The following IL1RAPL2 variants were observed in gnomAD, a reference collection of about 807,000 sequenced individuals.
IL1RAPL2 encodes X-linked interleukin-1 receptor accessory protein-like 2.
A neutral mutation model predicts 44.1 loss-of-function variants in IL1RAPL2; 3 were observed. The ratio of observed to expected loss-of-function variants is 0.07; its 90% CI spans 0.03 to 0.18. IL1RAPL2 has a LOEUF of 0.18. IL1RAPL2 is among the 10% of genes least tolerant of loss of function. The pLI is 1.00. For missense variants in IL1RAPL2, 391 were observed against 496.4 expected, an observed-to-expected ratio of 0.79 and a Z score of 2.02; for synonymous variants, 181 against 178.8, an observed-to-expected ratio of 1.01 and a Z score of -0.10.
At chrX:104,994,152 C>T (rs1409091629) in intron 2 of IL1RAPL2, among the ~76,000 whole-genome samples, 1 of 111,773 alleles carries the variant, frequency 8.9e-6, no homozygotes, top group Non-Finnish European at 1.9e-5. Context: ...TTTCTATCAA[C>T]AGGTTAATGG....
intron 2 of IL1RAPL2, among the ~76,000 whole-genome samples, chrX:104,760,892 G>T (rs1261826478): frequency 1.8e-5 from 2 of 111,387 alleles, no homozygotes; most frequent in Admixed American, 9.6e-5. Flanking sequence ...AAGTTTTCTT[G>T]TAGTAGTTTC....
intron 2 of IL1RAPL2, among the ~76,000 whole-genome samples, chrX:104,780,439 C>T (rs1932764655): frequency 9.0e-6 from 1 of 111,675 alleles, no homozygotes; most frequent in South Asian, 3.8e-4. Context: ...AAGCTAGTTG[C>T]CAGAATGGCT....
At chrX:105,571,633 TG>T (rs1258981454) in intron 6 of IL1RAPL2, among the ~76,000 whole-genome samples, 1 of 111,051 alleles carries the variant, frequency 9.0e-6, no homozygotes, top group Non-Finnish European at 1.9e-5. Flanking sequence ...GGTTGAGATA[TG>T]GGTGATAATG....
chrX:104,588,770 A>G (rs181378410), intron 1 of IL1RAPL2, among the ~76,000 whole-genome samples: 1 of 112,196 alleles, frequency 8.9e-6, no homozygotes, highest in African/African-American at 3.2e-5. Context: ...TTGACTTCTG[A>G]ATAATCTTCA....
chrX:104,921,726 G>A (rs1234299927), intron 2 of IL1RAPL2, among the ~76,000 whole-genome samples: 7 of 112,730 alleles, frequency 6.2e-5, no homozygotes, highest in Non-Finnish European at 1.1e-4. Flanking sequence ...TCAGGAGACC[G>A]GGCCAGGAAG....
chrX:105,549,761 T>C (rs903366869), intron 6 of IL1RAPL2, among the ~76,000 whole-genome samples: 12 of 111,549 alleles, frequency 1.1e-4, no homozygotes, highest in African/African-American at 3.9e-4. Flanking sequence ...TTCTTCACAG[T>C]ATCTACTCCA....
intron 2 of IL1RAPL2, among the ~76,000 whole-genome samples, chrX:105,031,328 C>A (rs1360165340): frequency 9.2e-6 from 1 of 108,413 alleles, no homozygotes; most frequent in East Asian, 2.9e-4. Flanking sequence ...TGCCAGTTTT[C>A]AAAGGGAATG....
intron 5 of IL1RAPL2, among the ~76,000 whole-genome samples, chrX:105,387,182 A>G (rs974843806): frequency 9.1e-6 from 1 of 110,169 alleles, no homozygotes; most frequent in Non-Finnish European, 1.9e-5. Context: ...TGGACCTGTA[A>G]TAAGATATTG....
intron 2 of IL1RAPL2, among the ~76,000 whole-genome samples, chrX:104,681,177 AT>A (rs1313766760): frequency 8.9e-6 from 1 of 112,334 alleles, no homozygotes; most frequent in Non-Finnish European, 1.9e-5. Flanking sequence ...CCCCTCACAT[AT>A]AATACTCTCA....
At chrX:105,571,951 TA>T (rs2037017248) in intron 6 of IL1RAPL2, among the ~76,000 whole-genome samples, 1 of 110,578 alleles carries the variant, frequency 9.0e-6, no homozygotes, top group Non-Finnish European at 1.9e-5. Flanking sequence ...TCTCTTCTAC[TA>T]AAGAGAAAAA....
At chrX:105,599,995 T>G (rs2147821887) in intron 6 of IL1RAPL2, among the ~76,000 whole-genome samples, 1 of 111,553 alleles carries the variant, frequency 9.0e-6, no homozygotes, top group Admixed American at 9.5e-5. Context: ...ACTAGAATTT[T>G]TCTAAGCATT....
At chrX:105,541,547 G>A (rs1033806651) in intron 6 of IL1RAPL2, among the ~76,000 whole-genome samples, 26 of 111,168 alleles carry the variant, frequency 2.3e-4, no homozygotes, top group African/African-American at 8.2e-4. Flanking sequence ...AGATTGTAGA[G>A]AGCATTGAAT....
At chrX:105,375,678 C>T (rs2035382357) in intron 5 of IL1RAPL2, among the ~76,000 whole-genome samples, 2 of 112,346 alleles carry the variant, frequency 1.8e-5, no homozygotes, top group Admixed American at 1.9e-4. Flanking sequence ...CATTTATTGC[C>T]TCATTGCTTG....
At chrX:104,847,455 T>C (rs1266261951) in intron 2 of IL1RAPL2, among the ~76,000 whole-genome samples, 14 of 111,774 alleles carry the variant, frequency 1.3e-4, no homozygotes, top group Non-Finnish European at 2.6e-4. Context: ...AGGGAATCCT[T>C]TCCCCATTTC....
chrX:104,587,182 T>C (rs1283217078), intron 1 of IL1RAPL2, among the ~76,000 whole-genome samples: 1 of 111,950 alleles, frequency 8.9e-6, no homozygotes, highest in Non-Finnish European at 1.9e-5. Flanking sequence ...TTATTATACA[T>C]GTACAATGAA....
intron 2 of IL1RAPL2, among the ~76,000 whole-genome samples, chrX:104,769,460 T>G (rs1042589985): frequency 8.9e-6 from 1 of 112,301 alleles, no homozygotes; most frequent in Non-Finnish European, 1.9e-5. Context: ...TTACCTAACC[T>G]CTACAGAAAA....
At chrX:105,246,183 AT>A (rs1452365605) in intron 4 of IL1RAPL2, among the ~76,000 whole-genome samples, 1 of 112,457 alleles carries the variant, frequency 8.9e-6, no homozygotes, top group Admixed American at 9.5e-5. Flanking sequence ...CTTGTAATCA[AT>A]AGTGTCTTTG....
chrX:105,625,014 G>A (rs2037443780), intron 6 of IL1RAPL2, among the ~76,000 whole-genome samples: 1 of 111,629 alleles, frequency 9.0e-6, no homozygotes, highest in Non-Finnish European at 1.9e-5. Flanking sequence ...AGTCACCATA[G>A]GGTGATCCTT....
chrX:105,596,041 T>A, intron 6 of IL1RAPL2, among the ~76,000 whole-genome samples: 1 of 111,256 alleles, frequency 9.0e-6, no homozygotes, highest in Non-Finnish European at 1.9e-5. Context: ...TCTTTTTTAG[T>A]TAGTCTAGCT....
Sources: gnomAD v4.1 joint callset for allele counts (sites outside exome capture counted in the v4.1 genomes callset) on GRCh38, gnomAD v4.1.1 for gene constraint, MANE v1.5 for transcripts, NCBI Gene and HGNC (gene_info 2026-07-23, HGNC 2026-07-21) for gene names.